NCAPD2: variants seen among roughly 807,000 people sequenced by gnomAD.
The protein encoded by NCAPD2 is non-SMC condensin I complex subunit D2, also known as condensin complex subunit 1.
In NCAPD2, 100 loss-of-function variants were observed where a neutral mutation model predicts 164.5. That is an observed-to-expected ratio of 0.61 (90% CI 0.52 to 0.72). NCAPD2 has a LOEUF of 0.72. Among genes scored for constraint, NCAPD2 ranks in the 30% least tolerant of loss-of-function variants. The pLI is 0.00. For missense variants in NCAPD2, 1,560 were observed against 1,749.2 expected (o/e 0.89, Z 1.93); for synonymous variants, 585 against 642.6 (o/e 0.91, Z 1.36).
intron 2 of NCAPD2, among the ~76,000 whole-genome samples, chr12:6,501,989 C>CA (rs1189100630): frequency 6.6e-6 from 1 of 152,022 alleles, no homozygotes; most frequent in Admixed American, 6.6e-5. Context: ...AATGGAATGA[C>CA]AGAGATTAGA....
In NCAPD2 at chr12:6,522,006, C is replaced by T. The variant is rs559407977; in HGVS notation, c.1923C>T (p.Ile641=). 6.2e-6 allele frequency: 10 copies of T among 1,614,120 alleles called. No homozygotes were observed. In the African/African-American group the frequency reaches 8.0e-5, roughly 13 times the overall value. The part of the protein sequence containing the change: ...SRKITEAIGI[I]SKMMYENTTT... ...AGATTACAGAGGCCATTGGCATCAT[C>T]AGCAAGATGATGTATGAAAACACAA... is the stretch of plus-strand genomic sequence containing the variant. The change falls in exon 15 of 32, where the codon ATC becomes ATT. Residue 641 remains isoleucine (I), a synonymous_variant. Transcript: ENST00000315579.
Position 6,527,039 on chromosome 12 carries a change from C to T in NCAPD2, c.2883C>T (p.His961=). The change falls in exon 22 of 32, where the codon CAC becomes CAT. Residue 961 remains histidine (H), a synonymous_variant. Coordinates refer to ENST00000315579, the MANE Select transcript of NCAPD2 (RefSeq NM_014865.4). The part of the protein sequence containing the change: ...RRRVLREEQE[H]KTKDPKEKNT... Reference sequence around the variant, plus strand: ...GAGTTCTCCGGGAAGAACAGGAGCACAAGACCAAAGATCCCAAGGAGAAGG... The same window carrying T: ...GAGTTCTCCGGGAAGAACAGGAGCATAAGACCAAAGATCCCAAGGAGAAGG... 2.5e-6 allele frequency: 4 copies of T among 1,612,738 alleles called. No individual in the cohort carries two copies. Among genetic ancestry groups the T allele is most frequent in the Non-Finnish European group, 2.5e-6 (3 of 1,179,208 alleles).
intron 9 of NCAPD2, among the ~76,000 whole-genome samples, chr12:6,515,401 T>C (rs565432377): frequency 8.5e-5 from 13 of 152,134 alleles, no homozygotes; most frequent in Admixed American, 7.9e-4. Context: ...CCCAGGCTAG[T>C]CTCAAACTCC....
intron 2 of NCAPD2, among the ~76,000 whole-genome samples, chr12:6,508,449 A>G (rs534224218): frequency 1.3e-5 from 2 of 152,352 alleles, no homozygotes; most frequent in East Asian, 3.9e-4. Context: ...ATAGTAATGG[A>G]TTAAAGCACA....
intron 2 of NCAPD2, among the ~76,000 whole-genome samples, chr12:6,507,278 A>T (rs985222038): frequency 6.6e-6 from 1 of 152,238 alleles, no homozygotes; most frequent in Admixed American, 6.5e-5. Context: ...CCATCTCATG[A>T]TACAAGACAG....
chr12:6,511,346 TG>T, intron 6 of NCAPD2, 94 bp downstream of exon 6: 1 of 1,377,730 alleles, frequency 7.3e-7, no homozygotes, highest in Non-Finnish European at 9.9e-7. Context: ...TTTTTTTTTG[TG>T]GGGGGACAGA....
chr12:6,524,161 A>G (rs1027201154), intron 17 of NCAPD2, among the ~76,000 whole-genome samples: 1 of 152,208 alleles, frequency 6.6e-6, no homozygotes, highest in Non-Finnish European at 1.5e-5. Flanking sequence ...GATACAGAGT[A>G]GGAAAGAGAG....
intron 2 of NCAPD2, among the ~76,000 whole-genome samples, chr12:6,504,810 A>G (rs1365038272): frequency 6.6e-6 from 1 of 152,210 alleles, no homozygotes; most frequent in Non-Finnish European, 1.5e-5. Flanking sequence ...TGCTGTATTT[A>G]TCGACACCAT....
intron 2 of NCAPD2, 53 bp from the exon 3 acceptor site, chr12:6,509,664 A>T: frequency 6.6e-7 from 1 of 1,519,054 alleles, no homozygotes; most frequent in Non-Finnish European, 9.1e-7. Flanking sequence ...GATAGAATTT[A>T]CTGAAAAGGT....
At position 6,511,940 on chromosome 12, in the gene NCAPD2, C is replaced by T. The variant is rs369076041; in HGVS notation, c.587+688C>T. Among the ~76,000 whole-genome samples the T allele has an allele frequency of 6.0e-5, 9 of 150,344 alleles. No homozygotes were observed. The East Asian group carries it at 1.6e-3, about 26-fold the overall frequency. Reference sequence around the variant, plus strand: ...GGGAGGTTGCAATGAGCTGAGATCGCACCATTGCACTCCATCCTGGGCGAC... The same window carrying T: ...GGGAGGTTGCAATGAGCTGAGATCGTACCATTGCACTCCATCCTGGGCGAC... On this transcript the variant is annotated intron_variant, in intron 6 of 31. Coordinates refer to ENST00000315579, the MANE Select transcript of NCAPD2 (RefSeq NM_014865.4).
At chr12:6,498,340 G>A (rs1039166202) in intron 2 of NCAPD2, among the ~76,000 whole-genome samples, 7 of 152,328 alleles carry the variant, frequency 4.6e-5, no homozygotes, top group Middle Eastern at 3.4e-3. Flanking sequence ...TGTGCTGTGT[G>A]CCAGACATTG....
At chr12:6,510,034 G>A in intron 3 of NCAPD2, 41 bp from the exon 4 acceptor site, 1 of 1,587,728 alleles carries the variant, frequency 6.3e-7, no homozygotes, top group Non-Finnish European at 8.6e-7. Flanking sequence ...GGCTCTGCAG[G>A]CTCCTTCCTG....
chr12:6,500,175 C>G (rs1946021941), intron 2 of NCAPD2, among the ~76,000 whole-genome samples: 1 of 152,110 alleles, frequency 6.6e-6, no homozygotes, highest in African/African-American at 2.4e-5. Flanking sequence ...CCTGTAATCC[C>G]AACCACTTGG....
intron 19 of NCAPD2, 27 bp from the exon 20 acceptor site, chr12:6,526,260 A>T: frequency 6.2e-7 from 1 of 1,614,122 alleles, no homozygotes; most frequent in Non-Finnish European, 8.5e-7. Context: ...CCCTGTACAC[A>T]CACCCACGTT....
chr12:6,518,141 C>T lies in NCAPD2; in HGVS notation c.1589+182C>T, dbSNP rs1225536440. 1.7e-5 allele frequency: 9 copies of T among 535,678 alleles called. No homozygotes were observed. The East Asian group carries it at 2.9e-4, about 17-fold the overall frequency. 33.2% of individuals were successfully genotyped at this position (535,678 alleles called of 1,614,324 possible). On this transcript the variant is annotated intron_variant, in intron 13 of 31. Transcript: ENST00000315579. ...CTAGTCCACAATTAAGCATGTGTTT[C>T]TACTTTATAAATGTTTAAAAAAACT...
Position 6,527,784 on chromosome 12 carries a change from G to C in NCAPD2, c.2915G>C (p.Ser972Thr). Residue 972 changes from serine to threonine, a missense_variant, in exon 23 of 32, where the codon AGC becomes ACC. Transcript: ENST00000315579. ...KTKDPKEKNT[S>T]SETTMEEELG... is the part of the protein sequence containing the mutation. The stretch of plus-strand genomic sequence containing the variant: ...CAATTTCATTCCCTTTAGAATACGA[G>C]CTCTGAGACCACCATGGAGGAGGAG... 2 of 1,611,918 alleles carry C rather than the reference G, an allele frequency of 1.2e-6. No homozygotes were observed. The highest frequency in any genetic ancestry group is 1.7e-6 in the Non-Finnish European group (2 of 1,178,244).
At chr12:6,515,194 A>AT (rs959106163) in intron 9 of NCAPD2, among the ~76,000 whole-genome samples, 54 of 145,992 alleles carry the variant, frequency 3.7e-4, no homozygotes, top group East Asian at 1.2e-3. Flanking sequence ...CTCAGCTTTG[A>AT]TTTTTTTTTT....
chr12:6,523,543 A>G (rs1592175799), intron 17 of NCAPD2, among the ~76,000 whole-genome samples, 197 bp downstream of exon 17: 1 of 151,892 alleles, frequency 6.6e-6, no homozygotes, highest in East Asian at 1.9e-4. Flanking sequence ...AATTACATGC[A>G]TGTGCCACCA....
intron 2 of NCAPD2, among the ~76,000 whole-genome samples, chr12:6,505,330 G>T (rs146620102): frequency 1.3e-5 from 2 of 152,120 alleles, no homozygotes; most frequent in Non-Finnish European, 2.9e-5. Flanking sequence ...TCTCCAAAGC[G>T]CTGGGATTTA....
Sources: allele counts gnomAD v4.1 joint callset (sites outside exome capture counted in the v4.1 genomes callset), GRCh38; gene constraint gnomAD v4.1.1; transcripts MANE v1.5; gene names NCBI Gene and HGNC (gene_info 2026-07-23, HGNC 2026-07-21).